The following HAT1 variants were observed in gnomAD, a reference collection of about 807,000 sequenced individuals.
HAT1 encodes histone acetyltransferase 1, also known as histone acetyltransferase type B catalytic subunit.
A neutral mutation model predicts 56.6 loss-of-function variants in HAT1; 20 were observed. The ratio of observed to expected loss-of-function variants is 0.35; its 90% CI spans 0.25 to 0.51. The LOEUF (loss-of-function observed/expected upper bound fraction) is 0.51. Ranked by LOEUF, HAT1 falls within the 20% of genes least tolerant of loss-of-function variation. The pLI, the probability that HAT1 is intolerant of heterozygous loss-of-function variation, is 0.95. For missense variants in HAT1, 408 were observed against 504.3 expected (o/e 0.81, Z 1.83); for synonymous variants, 146 against 165.5 (o/e 0.88, Z 0.91).
chr2:171,955,560 A>T (rs1364209538), intron 4 of HAT1, among the ~76,000 whole-genome samples: 2 of 151,750 alleles, frequency 1.3e-5, no homozygotes, highest in African/African-American at 4.8e-5. Flanking sequence ...GCAGTGAGCC[A>T]AGATCGCGCC....
intron 4 of HAT1, among the ~76,000 whole-genome samples, chr2:171,963,051 C>G (rs1278890994): frequency 6.6e-6 from 1 of 151,244 alleles, no homozygotes; most frequent in Non-Finnish European, 1.5e-5. Context: ...ACATGGTAGT[C>G]AGGATTTTTT....
At chr2:171,945,498 A>ATTT (rs71013093) in intron 2 of HAT1, among the ~76,000 whole-genome samples, 7 of 122,578 alleles carry the variant, frequency 5.7e-5, no homozygotes, top group African/African-American at 1.2e-4. Context: ...GCTATCTATA[A>ATTT]TTTTTTTTTT....
In HAT1 at chr2:171,965,445, C is replaced by T. The variant is rs533334266; in HGVS notation, c.417C>T (p.Phe139=). The T allele has an allele frequency of 1.1e-5, 17 of 1,610,842 alleles. No homozygotes were observed. The highest frequency in any genetic ancestry group is 8.8e-5 in the South Asian group (8 of 90,964). ...LLEKEVDFKP[F]GTLLHTYSVL... ...AAAAGGAAGTTGATTTCAAGCCATT[C>T]GGAACCTTACTTCATACCTACTCAG... Residue 139 remains phenylalanine (F), a synonymous_variant, in exon 5 of 11, where the codon TTC becomes TTT. Transcript: ENST00000264108.
At chr2:171,962,188 A>G (rs1194128526) in intron 4 of HAT1, among the ~76,000 whole-genome samples, 1 of 152,188 alleles carries the variant, frequency 6.6e-6, no homozygotes, top group African/African-American at 2.4e-5. Context: ...CTCCATATGA[A>G]CATGTTCATG....
intron 8 of HAT1, among the ~76,000 whole-genome samples, chr2:171,967,732 C>T (rs867974407): frequency 5.9e-5 from 9 of 152,148 alleles, no homozygotes; most frequent in Admixed American, 2.6e-4. Context: ...AAATACTTTA[C>T]CAGATAGTTA....
At chr2:171,979,490 A>G in intron 10 of HAT1, 127 bp downstream of exon 10, 2 of 607,846 alleles carry the variant, frequency 3.3e-6, no homozygotes, top group Non-Finnish European at 6.0e-6. Context: ...AAAAGTAGAA[A>G]TATTCTTCCA....
chr2:171,966,683 A>T lies in HAT1; in HGVS notation c.717-160A>T, dbSNP rs1687690816. On this transcript the variant is annotated intron_variant, in intron 7 of 10. Transcript: ENST00000264108. ...TCCCTTTGAAACAGTGTAGAAGATT[A>T]AACTAATTTTGAGTATCTTGATAAT... The T allele has an allele frequency of 4.3e-5, 27 of 624,472 alleles. No homozygotes were observed. The South Asian group carries it at 5.5e-4, about 13-fold the overall frequency. 38.7% of individuals were successfully genotyped at this position (624,472 alleles called of 1,614,324 possible).
At chr2:171,960,408 T>C (rs1248653591) in intron 4 of HAT1, among the ~76,000 whole-genome samples, 1 of 152,208 alleles carries the variant, frequency 6.6e-6, no homozygotes, top group Admixed American at 6.5e-5. Flanking sequence ...AAATTTTATT[T>C]TGGATGTTAG....
intron 10 of HAT1, among the ~76,000 whole-genome samples, chr2:171,981,413 T>C (rs1439914520): frequency 1.3e-5 from 2 of 152,220 alleles, no homozygotes; most frequent in East Asian, 1.9e-4. Flanking sequence ...CACATAGTTT[T>C]GGTTTTCCTT....
intron 4 of HAT1, among the ~76,000 whole-genome samples, chr2:171,961,500 A>G (rs961306737): frequency 3.3e-5 from 5 of 152,212 alleles, no homozygotes; most frequent in Non-Finnish European, 1.5e-5. Context: ...CACTAATTGG[A>G]TTGAATTTGA....
At chr2:171,943,901 C>A (rs1420434476) in intron 2 of HAT1, among the ~76,000 whole-genome samples, 3 of 151,918 alleles carry the variant, frequency 2.0e-5, no homozygotes, top group Non-Finnish European at 4.4e-5. Context: ...GTAATTCCAG[C>A]ACTTTGGGAG....
chr2:171,958,033 T>C (rs1687487596), intron 4 of HAT1, among the ~76,000 whole-genome samples: 1 of 152,222 alleles, frequency 6.6e-6, no homozygotes, highest in East Asian at 1.9e-4. Context: ...CTGTTGACTT[T>C]ACCTCTTTTG....
At chr2:171,963,787 T>A (rs1687627696) in intron 4 of HAT1, among the ~76,000 whole-genome samples, 1 of 152,148 alleles carries the variant, frequency 6.6e-6, no homozygotes, top group African/African-American at 2.4e-5. Context: ...TACGATGGCC[T>A]CTTCATGTTA....
At chr2:171,938,941 A>G (rs1053644705) in intron 2 of HAT1, among the ~76,000 whole-genome samples, 3 of 152,022 alleles carry the variant, frequency 2.0e-5, no homozygotes, top group Non-Finnish European at 4.4e-5. Context: ...GGGTTTCGCC[A>G]TGTTGCTCAG....
chr2:171,969,323 G>T (rs1450980280), intron 8 of HAT1, among the ~76,000 whole-genome samples: 2 of 152,064 alleles, frequency 1.3e-5, no homozygotes, highest in African/African-American at 4.8e-5. Flanking sequence ...GTGCCATATA[G>T]CTTTTTAGAA....
At chr2:171,959,631 C>T (rs1033056115) in intron 4 of HAT1, among the ~76,000 whole-genome samples, 4 of 152,026 alleles carry the variant, frequency 2.6e-5, no homozygotes, top group African/African-American at 4.8e-5. Flanking sequence ...TTATTAAAAA[C>T]GATTGGGTAG....
At chr2:171,977,557 ATTTTTTTTT>A (rs1172067451) in intron 9 of HAT1, among the ~76,000 whole-genome samples, 13 of 16,330 alleles carry the variant, frequency 8.0e-4, no homozygotes, top group African/African-American at 1.5e-3. Flanking sequence ...ATATATATAT[ATTTTTTTTT>A]TTTTTTTTTT....
intron 1 of HAT1, chr2:171,924,605 A>G (rs1172954803): frequency 2.6e-5 from 4 of 152,202 alleles, no homozygotes; most frequent in Non-Finnish European, 5.9e-5. Flanking sequence ...AGTAGCCACT[A>G]TGTAGTAAAA....
chr2:171,948,541 C>T (rs997274119), intron 3 of HAT1, among the ~76,000 whole-genome samples: 1 of 152,130 alleles, frequency 6.6e-6, no homozygotes, highest in African/African-American at 2.4e-5. Flanking sequence ...GTACTATCTT[C>T]TGATATACAG....
Sources: allele counts gnomAD v4.1 joint callset (sites outside exome capture counted in the v4.1 genomes callset), GRCh38; gene constraint gnomAD v4.1.1; transcripts MANE v1.5; gene names NCBI Gene and HGNC (gene_info 2026-07-23, HGNC 2026-07-21).